The following SDK1 variants were observed in gnomAD, a reference collection of about 807,000 sequenced individuals.
SDK1 encodes the protein protein sidekick-1.
In SDK1, 157 loss-of-function variants were observed where a neutral mutation model predicts 245.5. The ratio of observed to expected loss-of-function variants is 0.64; its 90% CI spans 0.56 to 0.73. The LOEUF (loss-of-function observed/expected upper bound fraction) is 0.73, where lower values mean the gene tolerates loss of function less well. Among genes scored for constraint, SDK1 ranks in the 30% least tolerant of loss-of-function variants. The probability of loss-of-function intolerance (pLI) is 0.00; values close to 1 mark genes in which losing one functional copy is unlikely to be tolerated. For missense variants in SDK1, 3,583 were observed against 3,002.3 expected (o/e 1.19, Z -4.52); for synonymous variants, 1,647 against 1,278.5 (o/e 1.29, Z -6.15).
At chr7:3,441,618 A>G (rs993192184) in intron 1 of SDK1, among the ~76,000 whole-genome samples, 1 of 152,136 alleles carries the variant, frequency 6.6e-6, no homozygotes, top group African/African-American at 2.4e-5. Context: ...CTTCATCATA[A>G]TTCCTGAAGT....
intron 32 of SDK1, among the ~76,000 whole-genome samples, chr7:4,170,920 T>C (rs1208111296): frequency 6.6e-6 from 1 of 152,148 alleles, no homozygotes; most frequent in Non-Finnish European, 1.5e-5. Flanking sequence ...GTCAAAATCA[T>C]AGAAAAGGAA....
In SDK1 at chr7:3,753,317, C is replaced by T. The variant is rs145960209; in HGVS notation, c.714-68133C>T. On this transcript the variant is annotated intron_variant, in intron 4 of 44. Transcript: ENST00000404826. ...AAGCCATTAATTCCTTACTGTAAAA[C>T]GTCACTATCAAGAAAAAGCTAAAAA... Among the ~76,000 whole-genome samples, 140 of 152,232 alleles carry T rather than the reference C, an allele frequency of 9.2e-4. 2 individuals are homozygous for T. In the East Asian group the frequency reaches 0.024, roughly 26 times the overall value.
At chr7:3,416,577 TC>T (rs1779372594) in intron 1 of SDK1, among the ~76,000 whole-genome samples, 2 of 151,814 alleles carry the variant, frequency 1.3e-5, no homozygotes, top group Admixed American at 1.3e-4. Context: ...AGGGAGGTGT[TC>T]CCCTGGCAGG....
At chr7:4,003,213 T>A (rs1359763379) in intron 14 of SDK1, among the ~76,000 whole-genome samples, 1 of 152,242 alleles carries the variant, frequency 6.6e-6, no homozygotes. Flanking sequence ...GACCTTCCAC[T>A]GCAGGTTCCA....
At chr7:3,792,946 A>T (rs1479298799) in intron 4 of SDK1, among the ~76,000 whole-genome samples, 1 of 152,222 alleles carries the variant, frequency 6.6e-6, no homozygotes, top group Admixed American at 6.5e-5. Context: ...TGGAACAATG[A>T]AATGTTAACT....
intron 1 of SDK1, among the ~76,000 whole-genome samples, chr7:3,505,506 C>G (rs1408975284): frequency 6.6e-6 from 1 of 152,168 alleles, no homozygotes; most frequent in Non-Finnish European, 1.5e-5. Flanking sequence ...CCACCTAGGC[C>G]TCCCATAGTG....
intron 18 of SDK1, 80 bp from the exon 19 acceptor site, chr7:4,051,558 A>G (rs1789479988): frequency 8.0e-7 from 1 of 1,252,484 alleles, no homozygotes; most frequent in Non-Finnish European, 1.1e-6. Context: ...TTAAAAGACA[A>G]AATAAAATTC....
chr7:4,196,480 C>T (rs1211218288), intron 35 of SDK1, among the ~76,000 whole-genome samples: 1 of 152,206 alleles, frequency 6.6e-6, no homozygotes, highest in Non-Finnish European at 1.5e-5. Context: ...CCGTCTCTCC[C>T]GGGCCTTTGA....
intron 5 of SDK1, among the ~76,000 whole-genome samples, chr7:3,914,828 G>C (rs1779308729): frequency 6.6e-6 from 1 of 152,194 alleles, no homozygotes; most frequent in African/African-American, 2.4e-5. Context: ...GCTTTTTTGA[G>C]AATTTAAATG....
intron 1 of SDK1, among the ~76,000 whole-genome samples, chr7:3,514,271 A>G (rs1409766578): frequency 6.6e-6 from 1 of 152,206 alleles, no homozygotes; most frequent in Non-Finnish European, 1.5e-5. Context: ...ACTATGTTGT[A>G]CAGTCTCCTG....
At chr7:3,605,614 C>G (rs1416333879) in intron 1 of SDK1, among the ~76,000 whole-genome samples, 1 of 152,102 alleles carries the variant, frequency 6.6e-6, no homozygotes, top group Non-Finnish European at 1.5e-5. Flanking sequence ...ATGTCACCTA[C>G]TATTTAATTT....
intron 22 of SDK1, among the ~76,000 whole-genome samples, chr7:4,100,832 C>T (rs766292757): frequency 2.0e-5 from 3 of 152,158 alleles, no homozygotes; most frequent in Non-Finnish European, 2.9e-5. Context: ...ACAGCAAGAG[C>T]CGTGAATTGG....
At chr7:3,958,723 C>T (rs965812090) in intron 7 of SDK1, among the ~76,000 whole-genome samples, 2 of 152,106 alleles carry the variant, frequency 1.3e-5, no homozygotes, top group African/African-American at 4.8e-5. Flanking sequence ...TAGCCATCAC[C>T]CTGAGTAGTA....
intron 4 of SDK1, among the ~76,000 whole-genome samples, chr7:3,666,625 G>T (rs1783542682): frequency 6.6e-6 from 1 of 152,164 alleles, no homozygotes; most frequent in Admixed American, 6.5e-5. Context: ...CAGACACTCT[G>T]TATCTCAGGC....
intron 1 of SDK1, among the ~76,000 whole-genome samples, chr7:3,349,657 T>C (rs1385598531): frequency 2.0e-5 from 3 of 152,114 alleles, no homozygotes; most frequent in African/African-American, 7.2e-5. Context: ...TGCAGTGCAG[T>C]GGTAAGATCT....
intron 1 of SDK1, among the ~76,000 whole-genome samples, chr7:3,381,318 G>A (rs975416980): frequency 2.6e-5 from 4 of 152,102 alleles, no homozygotes; most frequent in African/African-American, 4.8e-5. Flanking sequence ...GTATGCTGGC[G>A]AGTGAAGTCC....
chr7:3,380,586 AC>A (rs1282528882), intron 1 of SDK1, among the ~76,000 whole-genome samples: 1 of 152,220 alleles, frequency 6.6e-6, no homozygotes, highest in Non-Finnish European at 1.5e-5. Flanking sequence ...ATTCAGATGA[AC>A]AGTTGCTTAA....
intron 1 of SDK1, among the ~76,000 whole-genome samples, chr7:3,572,506 C>T (rs982141944): frequency 6.6e-6 from 1 of 152,018 alleles, no homozygotes; most frequent in South Asian, 2.1e-4. Context: ...GAGGAGATAG[C>T]TGGCGTGTGC....
rs917169 is a variant in SDK1 at position 3,883,087 on chromosome 7, A to C, written c.847+61504A>C. 1.3e-3 allele frequency among the ~76,000 whole-genome samples: 199 copies of C among 152,278 alleles called. 1 individual carries two copies. The highest frequency in any genetic ancestry group is 4.6e-3 in the African/African-American group (192 of 41,540). ...AGTTTATGGAGCTCAGAGGTTTTCT[A>C]CTGGTTTCTACAGAGCCCACGGGTT... On this transcript the variant is annotated intron_variant, in intron 5 of 44. Transcript: ENST00000404826.
Sources: gnomAD v4.1 joint callset for allele counts (sites outside exome capture counted in the v4.1 genomes callset) on GRCh38, gnomAD v4.1.1 for gene constraint, MANE v1.5 for transcripts, NCBI Gene and HGNC (gene_info 2026-07-23, HGNC 2026-07-21) for gene names.